DGKG: variants seen among roughly 807,000 people sequenced by gnomAD.
The protein encoded by DGKG is DAG kinase gamma.
A neutral mutation model predicts 105.3 loss-of-function variants in DGKG; 78 were observed. The ratio of observed to expected loss-of-function variants is 0.74; its 90% CI spans 0.62 to 0.89. The LOEUF (loss-of-function observed/expected upper bound fraction) is 0.89, where lower values mean the gene tolerates loss of function less well. Ranked by LOEUF, DGKG falls within the 40% of genes least tolerant of loss-of-function variation. The probability of loss-of-function intolerance (pLI) is 0.00; values close to 1 mark genes in which losing one functional copy is unlikely to be tolerated. For synonymous variants in DGKG, 346 were observed against 367.1 expected (o/e 0.94, Z 0.66); for missense variants, 958 against 1,020.1 (o/e 0.94, Z 0.83).
chr3:186,233,173 G>A (rs984806321), intron 20 of DGKG, among the ~76,000 whole-genome samples: 1 of 152,152 alleles, frequency 6.6e-6, no homozygotes, highest in African/African-American at 2.4e-5. Context: ...GAGATGGGGA[G>A]AGGATCCTGA....
chr3:186,321,699 A>G (rs1725084694), intron 1 of DGKG, among the ~76,000 whole-genome samples: 1 of 152,170 alleles, frequency 6.6e-6, no homozygotes, highest in Non-Finnish European at 1.5e-5. Context: ...CCAAGTTGGG[A>G]GGTATATATG....
intron 7 of DGKG, among the ~76,000 whole-genome samples, chr3:186,281,682 AG>A: frequency 6.6e-6 from 1 of 152,362 alleles, no homozygotes; most frequent in East Asian, 1.9e-4. Context: ...CCAGTAGATG[AG>A]GGTAAGAAAG....
chr3:186,226,953 T>C lies in DGKG; in HGVS notation c.1827-15068A>G, dbSNP rs944846293. Among the ~76,000 whole-genome samples the C allele has an allele frequency of 6.6e-6, 1 of 152,196 alleles. No homozygotes were observed. The highest frequency in any genetic ancestry group is 6.5e-5 in the Admixed American group (1 of 15,278). On this transcript the variant is annotated intron_variant, in intron 20 of 24. Transcript: ENST00000265022. The surrounding 1 kb of genome is among the most constrained non-coding windows in gnomAD (Gnocchi z 4.2). ...AGCATTAGAAGATTGGGAAAATGCCTTCTTAGTAAAATATGAAGTGGTAAG... is the reference window on the plus strand; with the variant it reads ...AGCATTAGAAGATTGGGAAAATGCCCTCTTAGTAAAATATGAAGTGGTAAG...
intron 24 of DGKG, among the ~76,000 whole-genome samples, chr3:186,155,818 A>G (rs1451827809): frequency 6.6e-6 from 1 of 152,236 alleles, no homozygotes; most frequent in Non-Finnish European, 1.5e-5. Flanking sequence ...AGCAATGAAT[A>G]TAAAGACAAA....
chr3:186,324,230 C>T (rs1319506555), intron 1 of DGKG, among the ~76,000 whole-genome samples: 1 of 151,932 alleles, frequency 6.6e-6, no homozygotes, highest in Non-Finnish European at 1.5e-5. Flanking sequence ...TGAACTAAAA[C>T]CAGAAGGCAG....
chr3:186,298,256 A>G (rs1723694727), intron 3 of DGKG, 27 bp from the exon 4 acceptor site: 1 of 1,554,428 alleles, frequency 6.4e-7, no homozygotes, highest in African/African-American at 1.4e-5. Flanking sequence ...GGGCAAAGTC[A>G]GTGGAGAGAA....
chr3:186,169,597 T>C (rs1262356470), intron 22 of DGKG, among the ~76,000 whole-genome samples: 1 of 152,224 alleles, frequency 6.6e-6, no homozygotes, highest in Non-Finnish European at 1.5e-5. Flanking sequence ...ATACACAACA[T>C]GTCATTCCCC....
rs1715564621 is a variant in DGKG, at chr3:186,147,626, C to T, written c.*2464G>A. 1.0e-6 allele frequency: 1 copy of T among 985,422 alleles called. No individual in the cohort carries two copies. The highest frequency in any genetic ancestry group is 1.7e-5 in the African/African-American group (1 of 57,362). 61.0% of individuals were successfully genotyped at this position (985,422 alleles called of 1,614,324 possible). A position where few individuals can be genotyped will look rare whatever the true frequency, so the allele number is the denominator to read the frequency against. ...CTCAAGCAACATTGCAAGTCCTGTG[C>T]ACTAGGGTGCAGCAGGTAAGGGCCA... On this transcript the variant is annotated 3_prime_UTR_variant, in exon 25 of 25. Coordinates refer to ENST00000265022, the MANE Select transcript of DGKG (RefSeq NM_001346.3).
At chr3:186,354,495 C>T (rs1415495954) in intron 1 of DGKG, among the ~76,000 whole-genome samples, 1 of 152,162 alleles carries the variant, frequency 6.6e-6, no homozygotes, top group Non-Finnish European at 1.5e-5. Context: ...AGTGATGGAC[C>T]CAAATGATTA....
At chr3:186,161,191 TG>T (rs1450610696) in intron 24 of DGKG, 1 of 999,942 alleles carries the variant, frequency 1.0e-6, no homozygotes, top group Non-Finnish European at 1.2e-6. Flanking sequence ...AAGGTAAGTG[TG>T]TAGATTTGGC....
intron 3 of DGKG, among the ~76,000 whole-genome samples, chr3:186,302,012 T>A (rs1305187675): frequency 3.9e-5 from 6 of 152,170 alleles, no homozygotes; most frequent in Non-Finnish European, 7.3e-5. Context: ...ACTGCTTCCA[T>A]CTCTACATGT....
intron 20 of DGKG, among the ~76,000 whole-genome samples, chr3:186,225,628 C>G (rs140322121): frequency 6.6e-6 from 1 of 152,120 alleles, no homozygotes; most frequent in Non-Finnish European, 1.5e-5. Flanking sequence ...TGGCAATGAT[C>G]GACGGCCACT....
chr3:186,283,204 A>G (rs1722907747), intron 7 of DGKG, among the ~76,000 whole-genome samples: 1 of 152,110 alleles, frequency 6.6e-6, no homozygotes, highest in Non-Finnish European at 1.5e-5. Context: ...CTGGCCAAAG[A>G]TAAACACTAT....
chr3:186,348,335 A>T (rs1726443202), intron 1 of DGKG, among the ~76,000 whole-genome samples: 1 of 145,162 alleles, frequency 6.9e-6, no homozygotes, highest in African/African-American at 2.5e-5. Context: ...ACATTTTTTA[A>T]TAAAGGATTT....
chr3:186,251,904 C>T lies in DGKG; in HGVS notation c.1616G>A (p.Ser539Asn). The T allele has an allele frequency of 1.3e-6, 2 of 1,585,964 alleles. No individual in the cohort carries two copies. The highest frequency in any genetic ancestry group is 1.7e-6 in the Non-Finnish European group (2 of 1,164,592). ...LRWGGGYEGG[S>N]LTKILKDIEQ... ...AATGTCTTTCAGGATTTTTGTCAAGCTGCCCCCTTCATAACCTGTGGAGGA... is the reference window on the plus strand; with the variant it reads ...AATGTCTTTCAGGATTTTTGTCAAGTTGCCCCCTTCATAACCTGTGGAGGA... Residue 539 changes from serine (S) to asparagine (N), a missense_variant, in exon 19 of 25, where the codon AGC becomes AAC. By Grantham distance (46) the Ser-to-Asn change is conservative. Coordinates refer to ENST00000265022, the MANE Select transcript of DGKG (RefSeq NM_001346.3).
chr3:186,267,935 C>T (rs959602378), intron 12 of DGKG, among the ~76,000 whole-genome samples, 158 bp from the exon 13 acceptor site: 5 of 151,462 alleles, frequency 3.3e-5, no homozygotes, highest in African/African-American at 7.3e-5. Flanking sequence ...TGTGTGTGCA[C>T]GTGTGTGTGT....
rs1052646662 is a variant in DGKG, at chr3:186,231,435, T to G, written c.1826+11069A>C. On this transcript the variant is annotated intron_variant, in intron 20 of 24. Coordinates refer to ENST00000265022, the MANE Select transcript of DGKG (RefSeq NM_001346.3). This position sits in a 1 kb window ranked among gnomAD's most constrained non-coding sequence, Gnocchi z 4.5. ...CTCTATGAGCCTCACTTTTCTCATC[T>G]GTAAGATGGATCAATAATACTTACA... is the stretch of plus-strand genomic sequence containing the variant. 6.6e-6 allele frequency among the ~76,000 whole-genome samples: 1 copy of G among 152,216 alleles called. No homozygotes were observed. Among genetic ancestry groups the G allele is most frequent in the Non-Finnish European group, 1.5e-5 (1 of 68,046 alleles).
Position 186,288,110 on chromosome 3 carries a change from T to G in DGKG, c.544+600A>C, listed in dbSNP as rs564219029. On this transcript the variant is annotated intron_variant, in intron 6 of 24. Transcript: ENST00000265022. Reference sequence around the variant, plus strand: ...AGCTCTTACTCTCCTCCTGAAGACATGTTTTTAAAACCTACTTTAGTAGCA... The same window carrying G: ...AGCTCTTACTCTCCTCCTGAAGACAGGTTTTTAAAACCTACTTTAGTAGCA... 2.0e-5 allele frequency among the ~76,000 whole-genome samples: 3 copies of G among 152,328 alleles called. No homozygotes were observed. In the South Asian group the frequency reaches 6.2e-4, roughly 32 times the overall value.
chr3:186,280,080 C>T (rs1201938784), intron 8 of DGKG, 107 bp from the exon 9 acceptor site: 24 of 1,388,962 alleles, frequency 1.7e-5, no homozygotes, highest in Non-Finnish European at 2.3e-5. Flanking sequence ...TTGTGTTTTA[C>T]CCCTTTCCCC....
Sources: allele counts gnomAD v4.1 joint callset (sites outside exome capture counted in the v4.1 genomes callset), GRCh38; gene constraint gnomAD v4.1.1; non-coding constraint Gnocchi (gnomAD v3.1); transcripts MANE v1.5; gene names NCBI Gene and HGNC (gene_info 2026-07-23, HGNC 2026-07-21).